The following JHY variants were observed in gnomAD, a reference collection of about 807,000 sequenced individuals.
JHY encodes junctional cadherin complex regulator.
Under a neutral mutation model 78.0 loss-of-function variants are expected in JHY, and 69 were observed. The observed-to-expected ratio is 0.88, with a 90% confidence interval of 0.73 to 1.08. JHY has a LOEUF of 1.08. JHY is among the 50% of genes least tolerant of loss of function. The pLI is 0.00. For synonymous variants in JHY, 368 were observed against 342.6 expected (o/e 1.07, Z -0.82); for missense variants, 944 against 927.8 (o/e 1.02, Z -0.23).
chr11:122,883,129 G>GGCGAGGCCGCGACAAGGA lies in JHY; in HGVS notation c.-90+158_-90+159insCGAGGCCGCGACAAGGAG, dbSNP rs1565300531. Among the ~76,000 whole-genome samples, 2 of 151,960 alleles carry GGCGAGGCCGCGACAAGGA rather than the reference G, an allele frequency of 1.3e-5. No individual in the cohort carries two copies. Among genetic ancestry groups the GGCGAGGCCGCGACAAGGA allele is most frequent in the African/African-American group, 4.8e-5 (2 of 41,398 alleles). On this transcript the variant is annotated intron_variant, in intron 1 of 8. Transcript: ENST00000227349. The surrounding 1 kb of genome is among the most constrained non-coding windows in gnomAD (Gnocchi z 4.4). ...CGGGACGGAGTGGGGAGCGACAAGG[G>GGCGAGGCCGCGACAAGGA]GGCGAGGCCGCGACAAGGGGCTGGG...
At position 122,934,627 on chromosome 11, in the gene JHY, A is replaced by G; in HGVS notation, c.1186A>G (p.Arg396Gly). 2 of 1,614,148 alleles carry G rather than the reference A, an allele frequency of 1.2e-6. No homozygotes were observed. The highest frequency in any genetic ancestry group is 8.5e-7 in the Non-Finnish European group (1 of 1,180,024). The change falls in exon 5 of 9, where the codon AGG (arginine) becomes GGG (glycine). Residue 396 changes from arginine to glycine, a missense_variant. Arg to Gly is a moderately radical substitution (Grantham distance 125). Transcript: ENST00000227349. ...TCAGGGGAACCAGAATAACCCTCCC[A>G]GGCAGCAACAAAACCAAAATAAGCC... Reference protein sequence around the residue: ...ASQGNQNNPPRQQQNQNKPLD... With the variant: ...ASQGNQNNPPGQQQNQNKPLD...
At chr11:122,956,814 C>T (rs1035215588) in intron 7 of JHY, among the ~76,000 whole-genome samples, 6 of 152,130 alleles carry the variant, frequency 3.9e-5, no homozygotes, top group African/African-American at 7.2e-5. Flanking sequence ...AAGGCCCGCA[C>T]GGAAAAGTGG....
intron 6 of JHY, among the ~76,000 whole-genome samples, chr11:122,948,909 C>A (rs11828714): frequency 6.6e-5 from 10 of 152,028 alleles, no homozygotes; most frequent in African/African-American, 1.9e-4. Context: ...TATGGTGAAA[C>A]CCCGTCTGTA....
At chr11:122,907,807 T>C (rs1325443370) in intron 3 of JHY, among the ~76,000 whole-genome samples, 1 of 137,624 alleles carries the variant, frequency 7.3e-6, no homozygotes, top group Non-Finnish European at 1.5e-5. Flanking sequence ...CACTCCAGCC[T>C]GGGCAACAAG....
intron 2 of JHY, among the ~76,000 whole-genome samples, chr11:122,899,247 A>T (rs375903666): frequency 2.6e-5 from 4 of 152,360 alleles, no homozygotes; most frequent in South Asian, 4.1e-4. Context: ...TCAATGAATG[A>T]GCAAATTGAA....
At chr11:122,949,041 G>A (rs976319401) in intron 6 of JHY, among the ~76,000 whole-genome samples, 62 of 151,392 alleles carry the variant, frequency 4.1e-4, no homozygotes, top group Non-Finnish European at 6.8e-4. Context: ...CCGAGATTGC[G>A]CCACTGCACT....
At chr11:122,908,221 G>A (rs1863036087) in intron 3 of JHY, among the ~76,000 whole-genome samples, 1 of 152,110 alleles carries the variant, frequency 6.6e-6, no homozygotes. Flanking sequence ...ATCATCTGGA[G>A]GGCTTATTTA....
chr11:122,915,791 G>A (rs1299330249), intron 3 of JHY, among the ~76,000 whole-genome samples: 1 of 152,186 alleles, frequency 6.6e-6, no homozygotes, highest in African/African-American at 2.4e-5. Context: ...TGGGATTACA[G>A]GTGTGAGCCA....
At position 122,934,578 on chromosome 11, in the gene JHY, C is replaced by T; in HGVS notation, c.1137C>T (p.Ser379=). 2.5e-6 allele frequency: 4 copies of T among 1,614,036 alleles called. No individual in the cohort carries two copies. Among genetic ancestry groups the T allele is most frequent in the Non-Finnish European group, 3.4e-6 (4 of 1,180,012 alleles). ...QCKHQNGLKS[S]TTEEVTASQG... ...AACACCAGAATGGCCTGAAGTCTTC[C>T]ACAACGGAAGAGGTGACTGCCAGTC... Residue 379 remains serine (S), a synonymous_variant, in exon 5 of 9, where the codon TCC becomes TCT. Coordinates refer to ENST00000227349, the MANE Select transcript of JHY (RefSeq NM_024806.4).
intron 1 of JHY, 52 bp from the exon 2 acceptor site, chr11:122,885,709 C>A: frequency 1.6e-6 from 1 of 629,316 alleles, no homozygotes; most frequent in Non-Finnish European, 2.7e-6. Flanking sequence ...TTAACGTTGA[C>A]AGTATTGAGA....
rs7119533 is a variant in JHY, at chr11:122,961,975, A to T, written c.*2530A>T. ...TATCAAAGCTCCTTACTCCAAGTACATAAATTTGCTGGCCATTTTGCCATC... is the reference window on the plus strand; with the variant it reads ...TATCAAAGCTCCTTACTCCAAGTACTTAAATTTGCTGGCCATTTTGCCATC... On this transcript the variant is annotated 3_prime_UTR_variant, in exon 9 of 9. Transcript: ENST00000227349. Among the ~76,000 whole-genome samples, 71,439 of 152,020 alleles carry T rather than the reference A, an allele frequency of 0.47. 17,742 individuals are homozygous for T. The highest frequency in any genetic ancestry group is 0.56 in the Non-Finnish European group (38,201 of 67,952).
chr11:122,910,368 G>C (rs914216130), intron 3 of JHY, among the ~76,000 whole-genome samples: 1 of 151,882 alleles, frequency 6.6e-6, no homozygotes, highest in African/African-American at 2.4e-5. Context: ...CCAGCTACTC[G>C]GGAAGCCCAT....
At chr11:122,926,023 G>GA (rs60531071) in intron 4 of JHY, among the ~76,000 whole-genome samples, 33,316 of 131,556 alleles carry the variant, frequency 0.25, 4,273 homozygotes, top group Non-Finnish European at 0.32. Context: ...TATCAAAAAA[G>GA]AAAAAAAAAA....
chr11:122,944,332 A>G, intron 5 of JHY, among the ~76,000 whole-genome samples: 1 of 152,244 alleles, frequency 6.6e-6, no homozygotes, highest in Middle Eastern at 3.4e-3. Context: ...TATATCCTCT[A>G]CTAACCTGAT....
intron 2 of JHY, among the ~76,000 whole-genome samples, chr11:122,887,057 A>G (rs1862510006): frequency 6.6e-6 from 1 of 152,204 alleles, no homozygotes; most frequent in African/African-American, 2.4e-5. Flanking sequence ...GTACAGAAGA[A>G]GGTAAAAGCT....
intron 3 of JHY, chr11:122,905,237 G>C: frequency 1.2e-6 from 2 of 1,614,010 alleles, no homozygotes; most frequent in Non-Finnish European, 1.7e-6. Flanking sequence ...AGTAAACTTA[G>C]TTCCATTTCA....
At chr11:122,894,973 A>G (rs1862709745) in intron 2 of JHY, among the ~76,000 whole-genome samples, 1 of 152,206 alleles carries the variant, frequency 6.6e-6, no homozygotes, top group African/African-American at 2.4e-5. Context: ...TAACCTTCAC[A>G]AAGCATTTCA....
rs372793770 is a variant in JHY, at chr11:122,915,391, G to T, written c.865-9506G>T. On this transcript the variant is annotated intron_variant, in intron 3 of 8. Transcript: ENST00000227349. ...AACTGCTATGCTAGTATCAGATAAGGTCCCCAAGAAACCCGGAAGAAAAGG... is the reference window on the plus strand; with the variant it reads ...AACTGCTATGCTAGTATCAGATAAGTTCCCCAAGAAACCCGGAAGAAAAGG... 2.2e-3 allele frequency among the ~76,000 whole-genome samples: 341 copies of T among 152,326 alleles called. 1 individual carries two copies. Among genetic ancestry groups the T allele is most frequent in the African/African-American group, 7.7e-3 (319 of 41,588 alleles).
Position 122,885,867 on chromosome 11 carries a change from A to G in JHY, c.18A>G (p.Leu6=). Residue 6 remains leucine (L), a synonymous_variant, in exon 2 of 9, where the codon CTA becomes CTG. Transcript: ENST00000227349. ...TTTTCAAGATGAGTAAACGTAAACT[A>G]ATTCCCAAGCTCTCTATTCAATCTC... The part of the protein sequence containing the change: MSKRK[L]IPKLSIQSPV... The G allele has an allele frequency of 6.2e-7, 1 of 1,607,860 alleles. No individual in the cohort carries two copies. Among genetic ancestry groups the G allele is most frequent in the Non-Finnish European group, 8.5e-7 (1 of 1,175,466 alleles).
Sources: allele counts gnomAD v4.1 joint callset (sites outside exome capture counted in the v4.1 genomes callset), GRCh38; gene constraint gnomAD v4.1.1; non-coding constraint Gnocchi (gnomAD v3.1); transcripts MANE v1.5; gene names NCBI Gene and HGNC (gene_info 2026-07-23, HGNC 2026-07-21).